PALLD: variants seen among roughly 807,000 people sequenced by gnomAD.
PALLD encodes the protein palladin, cytoskeletal associated protein.
PALLD carries 61 observed loss-of-function variants against 123.5 expected under a neutral mutation model. That is an observed-to-expected ratio of 0.49 (90% CI 0.40 to 0.61). The LOEUF (loss-of-function observed/expected upper bound fraction) is 0.61, where lower values mean the gene tolerates loss of function less well. PALLD is among the 20% of genes least tolerant of loss of function. PALLD has a pLI of 0.00. For synonymous variants in PALLD, 465 were observed against 496.4 expected, an observed-to-expected ratio of 0.94 and a Z score of 0.84; for missense variants, 1,273 against 1,377.0, an observed-to-expected ratio of 0.92 and a Z score of 1.20.
At position 168,787,981 on chromosome 4, in the gene PALLD, G is replaced by A. The variant is rs554674604; in HGVS notation, c.1964+76058G>A. ...GCAGGAAAAAAGTCTGTATAACTTC[G>A]CTGTAAACATGGTCATTGGCGTTAA... On this transcript the variant is annotated intron_variant, in intron 10 of 21. Coordinates refer to ENST00000505667, the MANE Select transcript of PALLD (RefSeq NM_001166108.2). 1.9e-4 allele frequency among the ~76,000 whole-genome samples: 29 copies of A among 152,298 alleles called. 1 individual carries two copies. The highest frequency in any genetic ancestry group is 4.3e-4 in the Non-Finnish European group (29 of 68,024).
intron 10 of PALLD, among the ~76,000 whole-genome samples, chr4:168,842,100 TC>T (rs1017204141): frequency 1.9e-4 from 29 of 152,226 alleles, no homozygotes; most frequent in African/African-American, 6.8e-4. Context: ...CTGATTCCCC[TC>T]TTTATATGTG....
intron 2 of PALLD, chr4:168,648,084 CCT>C (rs1216690238): frequency 2.0e-5 from 3 of 152,096 alleles, no homozygotes; most frequent in African/African-American, 7.2e-5. Flanking sequence ...TGAACTCCCC[CCT>C]GACTCCTGGT....
intron 10 of PALLD, among the ~76,000 whole-genome samples, chr4:168,880,638 T>C (rs905499735): frequency 3.3e-5 from 5 of 152,264 alleles, no homozygotes; most frequent in African/African-American, 1.2e-4. Context: ...ATCCAAATAA[T>C]TTGCCAAAGA....
chr4:168,502,819 C>G (rs7694440), intron 1 of PALLD, among the ~76,000 whole-genome samples: 5,066 of 152,180 alleles, frequency 0.033, 278 homozygotes, highest in African/African-American at 0.12. Context: ...CAGGAGGATC[C>G]CTTGAGCCCA....
chr4:168,723,100 G>A (rs149711230), intron 10 of PALLD, among the ~76,000 whole-genome samples: 92 of 152,280 alleles, frequency 6.0e-4, no homozygotes, highest in African/African-American at 2.1e-3. Flanking sequence ...AGTTAAGGTC[G>A]CAGGAGCAGA....
intron 2 of PALLD, among the ~76,000 whole-genome samples, chr4:168,597,851 A>C (rs62335508): frequency 0.084 from 12,847 of 152,152 alleles, 731 homozygotes; most frequent in Non-Finnish European, 0.12. Context: ...AGACCATTTC[A>C]ATTGATGGCA....
chr4:168,535,143 T>A (rs181964789), intron 2 of PALLD, among the ~76,000 whole-genome samples: 1 of 152,314 alleles, frequency 6.6e-6, no homozygotes, highest in Non-Finnish European at 1.5e-5. Context: ...TACATCATTT[T>A]ATATTAGGAA....
chr4:168,898,823 AC>A, intron 14 of PALLD, 109 bp downstream of exon 14: 1 of 782,430 alleles, frequency 1.3e-6, no homozygotes, highest in Non-Finnish European at 2.2e-6. Flanking sequence ...CTTTCTCAAT[AC>A]CCACGATATA....
At chr4:168,594,811 G>A (rs56033106) in intron 2 of PALLD, among the ~76,000 whole-genome samples, 5,037 of 152,156 alleles carry the variant, frequency 0.033, 274 homozygotes, top group African/African-American at 0.11. Context: ...AACAAATTCA[G>A]TAGCTATTTT....
intron 1 of PALLD, among the ~76,000 whole-genome samples, chr4:168,509,212 C>T (rs137967705): frequency 2.0e-4 from 30 of 152,130 alleles, no homozygotes; most frequent in Non-Finnish European, 4.3e-4. Flanking sequence ...TATAGTTTTC[C>T]ACTCTTATGA....
chr4:168,751,145 TG>T (rs529456491), intron 10 of PALLD, among the ~76,000 whole-genome samples: 131 of 152,092 alleles, frequency 8.6e-4, no homozygotes, highest in African/African-American at 2.9e-3. Flanking sequence ...CCCGAGTAGC[TG>T]GGATTATAGG....
chr4:168,735,264 G>A (rs189824855), intron 10 of PALLD, among the ~76,000 whole-genome samples: 158 of 152,100 alleles, frequency 1.0e-3, no homozygotes, highest in Non-Finnish European at 1.5e-3. Flanking sequence ...CACTGCTCTC[G>A]CCCCACTGGC....
intron 10 of PALLD, among the ~76,000 whole-genome samples, chr4:168,782,237 C>T (rs1443501448): frequency 6.6e-6 from 1 of 152,316 alleles, no homozygotes; most frequent in East Asian, 1.9e-4. Flanking sequence ...TCAGTGCACC[C>T]TCTGTTAGCC....
At position 168,895,105 on chromosome 4, in the gene PALLD, C is replaced by A. The variant is rs532964984; in HGVS notation, c.2199+428C>A. Among the ~76,000 whole-genome samples the A allele has an allele frequency of 3.3e-5, 5 of 152,294 alleles. No individual in the cohort carries two copies. The South Asian group carries it at 1.0e-3, about 32-fold the overall frequency. On this transcript the variant is annotated intron_variant, in intron 12 of 21. Coordinates refer to ENST00000505667, the MANE Select transcript of PALLD (RefSeq NM_001166108.2). The stretch of plus-strand genomic sequence containing the variant: ...GCACAGTTAAAAACCCACATATGGC[C>A]GGGCACAGTGGCTCATGCCTGTAAT...
chr4:168,532,750 T>C (rs1345763650), intron 2 of PALLD, among the ~76,000 whole-genome samples: 1 of 151,898 alleles, frequency 6.6e-6, no homozygotes, highest in Non-Finnish European at 1.5e-5. Flanking sequence ...TTGAGGGAGA[T>C]TCATGGAGGC....
At chr4:168,748,308 G>A (rs1730581984) in intron 10 of PALLD, among the ~76,000 whole-genome samples, 1 of 152,094 alleles carries the variant, frequency 6.6e-6, no homozygotes, top group Admixed American at 6.5e-5. Flanking sequence ...AGAAACTCTG[G>A]GGTGGGACCT....
chr4:168,533,615 G>A (rs901456852), intron 2 of PALLD, among the ~76,000 whole-genome samples: 3 of 152,178 alleles, frequency 2.0e-5, no homozygotes, highest in Non-Finnish European at 4.4e-5. Context: ...TGAGGTATAG[G>A]AAGAGCATTC....
At chr4:168,872,650 T>C (rs975283795) in intron 10 of PALLD, among the ~76,000 whole-genome samples, 1 of 152,222 alleles carries the variant, frequency 6.6e-6, no homozygotes, top group African/African-American at 2.4e-5. Flanking sequence ...CCCAGTGCAA[T>C]ACATTCTCAT....
chr4:168,845,583 T>C (rs1255831473), intron 10 of PALLD, among the ~76,000 whole-genome samples: 2 of 152,176 alleles, frequency 1.3e-5, no homozygotes, highest in Non-Finnish European at 2.9e-5. Context: ...GATGTGCAAA[T>C]GCTAGGACAT....
Sources: allele counts gnomAD v4.1 joint callset (sites outside exome capture counted in the v4.1 genomes callset), GRCh38; gene constraint gnomAD v4.1.1; transcripts MANE v1.5; gene names NCBI Gene and HGNC (gene_info 2026-07-23, HGNC 2026-07-21).